The following CHRNB1 variants were observed in gnomAD, a reference collection of about 807,000 sequenced individuals.
CHRNB1 encodes the protein acetylcholine receptor subunit beta.
Under a neutral mutation model 53.8 loss-of-function variants are expected in CHRNB1, and 47 were observed. That is an observed-to-expected ratio of 0.87 (90% CI 0.69 to 1.11). CHRNB1 has a LOEUF of 1.11. CHRNB1 is among the 50% of genes most tolerant of loss of function. The probability of loss-of-function intolerance (pLI) is 0.00; values close to 1 mark genes in which losing one functional copy is unlikely to be tolerated. For missense variants in CHRNB1, 605 were observed against 654.9 expected (o/e 0.92, Z 0.83); for synonymous variants, 259 against 263.5 (o/e 0.98, Z 0.16).
rs995427737 is a variant in CHRNB1, at chr17:7,445,976, G to C, written c.199-93G>C. The C allele has an allele frequency of 2.7e-6, 3 of 1,124,322 alleles. No homozygotes were observed. The African/African-American group carries it at 4.6e-5, about 17-fold the overall frequency. 69.6% of individuals were successfully genotyped at this position (1,124,322 alleles called of 1,614,324 possible). On this transcript the variant is annotated intron_variant, in intron 2 of 10. Coordinates refer to ENST00000306071, the MANE Select transcript of CHRNB1 (RefSeq NM_000747.3). The surrounding 1 kb of genome is among the most constrained non-coding windows in gnomAD (Gnocchi z 5.7). The stretch of plus-strand genomic sequence containing the variant: ...CGAGAGGATGGGGCTCAGAAAAAGG[G>C]GGCGGCGTTCCCAGGAGAGAGGTTG...
chr17:7,455,890 C>A lies in CHRNB1; in HGVS notation c.1314C>A (p.Ser438=). The part of the protein sequence containing the change: ...ALLPELREVV[S]SISYIARQLQ... ...TTCCGGAGCTACGGGAGGTCGTCTC[C>A]TCTATCAGCTACATCGCTCGACAGC... Residue 438 remains serine (S), a synonymous_variant, in exon 10 of 11, where the codon TCC becomes TCA. Transcript: ENST00000306071. 1 of 1,614,084 alleles carries A rather than the reference C, an allele frequency of 6.2e-7. No homozygotes were observed. Among genetic ancestry groups the A allele is most frequent in the South Asian group, 1.1e-5 (1 of 91,070 alleles).
intron 7 of CHRNB1, among the ~76,000 whole-genome samples, chr17:7,451,274 C>CTTTTTTTTTTTTTTTTTTTTTT (rs34769424): frequency 2.2e-5 from 2 of 92,018 alleles, no homozygotes; most frequent in African/African-American, 9.5e-5. Context: ...CTTTTCTTTT[C>CTTTTTTTTTTTTTTTTTTTTTT]TTTTTTTTTT....
At chr17:7,452,057 CTT>C (rs34297883) in intron 7 of CHRNB1, among the ~76,000 whole-genome samples, 169 of 138,792 alleles carry the variant, frequency 1.2e-3, no homozygotes, top group Non-Finnish European at 1.2e-3. Context: ...TTTCCTTTTT[CTT>C]TTTTTTTTTT....
chr17:7,452,774 G>A (rs1467468264), intron 7 of CHRNB1, among the ~76,000 whole-genome samples: 1 of 152,226 alleles, frequency 6.6e-6, no homozygotes, highest in South Asian at 2.1e-4. Context: ...TGTAATCCCA[G>A]CACTTTGGGA....
At chr17:7,447,851 G>A (rs1263538901) in intron 6 of CHRNB1, among the ~76,000 whole-genome samples, 6 of 152,218 alleles carry the variant, frequency 3.9e-5, no homozygotes, top group African/African-American at 4.8e-5. Context: ...GCCGAGGCGG[G>A]CGGATCATTT....
rs1052309608 is a variant in CHRNB1, at chr17:7,446,128, C to A, written c.243+15C>A. ...ACTTAGACCTGGTATGGAGACCCCA[C>A]GGGGTGGGAAAGGGCTTCCCTCTGC... On this transcript the variant is annotated intron_variant, in intron 3 of 10. Transcript: ENST00000306071. 1.9e-6 allele frequency: 3 copies of A among 1,611,270 alleles called. No homozygotes were observed. Among genetic ancestry groups the A allele is most frequent in the Non-Finnish European group, 1.7e-6 (2 of 1,177,332 alleles).
chr17:7,445,921 A>C lies in CHRNB1; in HGVS notation c.199-148A>C. ...CTGAGATAGAGGCAGGTCTTAAACT[A>C]ACGCCGCTTCTGGGAGGTGGACTTG... On this transcript the variant is annotated intron_variant, in intron 2 of 10. Transcript: ENST00000306071. This position sits in a 1 kb window ranked among gnomAD's most constrained non-coding sequence, Gnocchi z 5.7. 2.7e-6 allele frequency: 2 copies of C among 743,546 alleles called. No homozygotes were observed. Among genetic ancestry groups the C allele is most frequent in the South Asian group, 2.9e-5 (2 of 67,938 alleles). The allele number at this position is 743,546 out of a possible 1,614,324, so 46.1% of individuals were successfully genotyped here.
rs1597747784 is a variant in CHRNB1, at chr17:7,445,939, T to G, written c.199-130T>G. ...TTAAACTAACGCCGCTTCTGGGAGG[T>G]GGACTTGGACCCGAGAGGATGGGGC... On this transcript the variant is annotated intron_variant, in intron 2 of 10. Transcript: ENST00000306071. The surrounding 1 kb of genome is among the most constrained non-coding windows in gnomAD (Gnocchi z 5.7). 2 of 803,354 alleles carry G rather than the reference T, an allele frequency of 2.5e-6. No individual in the cohort carries two copies. Among genetic ancestry groups the G allele is most frequent in the Non-Finnish European group, 2.2e-6 (1 of 459,120 alleles). The allele number at this position is 803,354 out of a possible 1,614,324, so 49.8% of individuals were successfully genotyped here. A position where few individuals can be genotyped will look rare whatever the true frequency, so the allele number is the denominator to read the frequency against.
intron 7 of CHRNB1, among the ~76,000 whole-genome samples, chr17:7,453,106 GTTTTA>G (rs1908944859): frequency 2.0e-5 from 3 of 152,050 alleles, no homozygotes; most frequent in African/African-American, 7.3e-5. Context: ...TGGACATTTT[GTTTTA>G]TTTTGTTTCT....
chr17:7,456,741 C>T lies in CHRNB1; in HGVS notation c.*18C>T, dbSNP rs79747991. ...TTCCTTGAAGACTGGAGGGTTGAGA[C>T]CCAGGCCCCCTGCCAGTTGAAGTGA... On this transcript the variant is annotated 3_prime_UTR_variant, in exon 11 of 11. Coordinates refer to ENST00000306071, the MANE Select transcript of CHRNB1 (RefSeq NM_000747.3). 3,749 of 1,614,126 alleles carry T rather than the reference C, an allele frequency of 2.3e-3. 6 individuals are homozygous for T. The highest frequency in any genetic ancestry group is 3.3e-3 in the Middle Eastern group (20 of 6,062).
chr17:7,452,760 C>T (rs1264438057), intron 7 of CHRNB1, among the ~76,000 whole-genome samples: 9 of 152,340 alleles, frequency 5.9e-5, no homozygotes, highest in Admixed American at 1.3e-4. Flanking sequence ...TGGTGGCTCA[C>T]GCCTGTAATC....
At chr17:7,447,403 T>C in intron 5 of CHRNB1, 100 bp from the exon 6 acceptor site, 1 of 1,404,182 alleles carries the variant, frequency 7.1e-7, no homozygotes, top group African/African-American at 1.4e-5. Flanking sequence ...CTCCAATTCC[T>C]CCATGATTTC....
Position 7,445,749 on chromosome 17 carries a change from G to T in CHRNB1, c.199-320G>T. ...GTGGGGCGGAGCTTGGTGCTCAGGG[G>T]TCAATAAATGGCAGCGGGTGGAGGT... On this transcript the variant is annotated intron_variant, in intron 2 of 10. Transcript: ENST00000306071. The surrounding 1 kb of genome is among the most constrained non-coding windows in gnomAD (Gnocchi z 5.7). 1.4e-6 allele frequency: 1 copy of T among 714,352 alleles called. No individual in the cohort carries two copies. Among genetic ancestry groups the T allele is most frequent in the Non-Finnish European group, 2.2e-6 (1 of 445,878 alleles). 44.3% of individuals were successfully genotyped at this position (714,352 alleles called of 1,614,324 possible).
chr17:7,453,343 C>G (rs1021283767), intron 7 of CHRNB1, among the ~76,000 whole-genome samples: 17 of 151,920 alleles, frequency 1.1e-4, no homozygotes, highest in Admixed American at 1.0e-3. Flanking sequence ...GGTCTCGAAC[C>G]CCTGACCTCA....
Position 7,448,585 on chromosome 17 carries a change from GC to G in CHRNB1, c.619del (p.Gln207SerfsTer11). 1 of 1,614,062 alleles carries G rather than the reference GC, an allele frequency of 6.2e-7. No homozygotes were observed. The highest frequency in any genetic ancestry group is 8.5e-7 in the Non-Finnish European group (1 of 1,180,002). ...TCCTTCTGCTCATCCCCAGAGAATG[GC>G]CAGTGGGAGATTATCCACAAGCCCT... is the stretch of plus-strand genomic sequence containing the variant. Reference protein sequence around the residue: ...HIHEGTFIENGQWEIIHKPSR... With the variant: ...HIHEGTFIENXQWEIIHKPSR... On this transcript the variant is annotated frameshift_variant, in exon 7 of 11. Coordinates refer to ENST00000306071, the MANE Select transcript of CHRNB1 (RefSeq NM_000747.3). LOFTEE classifies it high-confidence loss of function.
chr17:7,453,307 TG>T, intron 7 of CHRNB1, among the ~76,000 whole-genome samples: 1 of 152,020 alleles, frequency 6.6e-6, no homozygotes, highest in Admixed American at 6.6e-5. Flanking sequence ...TTAGTAGAGA[TG>T]GGGTTTCACT....
intron 10 of CHRNB1, among the ~76,000 whole-genome samples, 191 bp downstream of exon 10, chr17:7,456,132 G>A (rs914537248): frequency 2.2e-5 from 3 of 135,692 alleles, no homozygotes; most frequent in Non-Finnish European, 3.0e-5. Context: ...TCGGCTCACT[G>A]CAACCTCCGC....
chr17:7,449,899 C>A (rs1471253026), intron 7 of CHRNB1, among the ~76,000 whole-genome samples: 2 of 151,626 alleles, frequency 1.3e-5, no homozygotes, highest in African/African-American at 2.4e-5. Context: ...AAAAAATTAG[C>A]CAGGTGTGGT....
At chr17:7,456,049 C>CTTTTTTTTTTT (rs528936191) in intron 10 of CHRNB1, 108 bp downstream of exon 10, 5 of 409,690 alleles carry the variant, frequency 1.2e-5, no homozygotes, top group Admixed American at 5.7e-5. Context: ...TTTTTTTTGG[C>CTTTTTTTTTTT]TTTTTTTTTT....
Sources: gnomAD v4.1 joint callset for allele counts (sites outside exome capture counted in the v4.1 genomes callset) on GRCh38, gnomAD v4.1.1 for gene constraint, Gnocchi (gnomAD v3.1) non-coding constraint, MANE v1.5 for transcripts, NCBI Gene and HGNC (gene_info 2026-07-23, HGNC 2026-07-21) for gene names.